The following KIZ variants were observed in gnomAD, a reference collection of about 807,000 sequenced individuals.
KIZ encodes the protein kizuna centrosomal protein.
Under a neutral mutation model 79.6 loss-of-function variants are expected in KIZ, and 68 were observed. That is an observed-to-expected ratio of 0.85 (90% confidence interval 0.70 to 1.05). The LOEUF is 1.05. Ranked by LOEUF, KIZ falls within the 50% of genes least tolerant of loss-of-function variation. The pLI is 0.00. For synonymous variants in KIZ, 280 were observed against 281.8 expected (o/e 0.99, Z 0.06); for missense variants, 797 against 800.4 (o/e 1.00, Z 0.05).
chr20:21,165,144 C>G (rs1204212754), intron 6 of KIZ, among the ~76,000 whole-genome samples: 1 of 152,118 alleles, frequency 6.6e-6, no homozygotes, highest in Non-Finnish European at 1.5e-5. Flanking sequence ...ACTTTAGGGT[C>G]TGTTGGGGGC....
chr20:21,146,750 T>A (rs2032868191), intron 4 of KIZ, among the ~76,000 whole-genome samples: 1 of 152,156 alleles, frequency 6.6e-6, no homozygotes, highest in African/African-American at 2.4e-5. Context: ...AGGTTTTAGT[T>A]TTTCTTTCTT....
intron 6 of KIZ, among the ~76,000 whole-genome samples, chr20:21,192,876 G>T (rs2035176332): frequency 6.6e-6 from 1 of 152,234 alleles, no homozygotes; most frequent in Admixed American, 6.5e-5. Context: ...GTAGACAGTG[G>T]TTTGTGAGGA....
At chr20:21,240,603 C>T (rs895882500) in intron 11 of KIZ, among the ~76,000 whole-genome samples, 1 of 152,184 alleles carries the variant, frequency 6.6e-6, no homozygotes, top group African/African-American at 2.4e-5. Flanking sequence ...AGCCATGGTG[C>T]GGGGGAAAGG....
chr20:21,236,009 C>T (rs915217371), intron 11 of KIZ, among the ~76,000 whole-genome samples: 2 of 152,240 alleles, frequency 1.3e-5, no homozygotes, highest in Non-Finnish European at 2.9e-5. Flanking sequence ...TATAAAAGCA[C>T]TCTTCTCTGT....
chr20:21,138,006 A>G (rs1243049434), intron 3 of KIZ, among the ~76,000 whole-genome samples: 1 of 152,156 alleles, frequency 6.6e-6, no homozygotes, highest in Non-Finnish European at 1.5e-5. Context: ...TCCCAGTCTC[A>G]AGAAATTATC....
chr20:21,159,230 G>C (rs1216277669), intron 4 of KIZ, among the ~76,000 whole-genome samples: 2 of 151,704 alleles, frequency 1.3e-5, no homozygotes. Context: ...TGTTGCCAAG[G>C]CTGGTCTCAA....
chr20:21,132,047 A>T, intron 1 of KIZ, 50 bp from the exon 2 acceptor site: 1 of 795,104 alleles, frequency 1.3e-6, no homozygotes, highest in Non-Finnish European at 2.1e-6. Context: ...TCTAAATCCA[A>T]CTCCCTGTTA....
At chr20:21,167,516 C>A (rs1399187491) in intron 6 of KIZ, among the ~76,000 whole-genome samples, 4 of 151,236 alleles carry the variant, frequency 2.6e-5, no homozygotes, top group Non-Finnish European at 5.9e-5. Flanking sequence ...CTACATTAAC[C>A]AACAAGCAGT....
chr20:21,238,331 G>T (rs1326630798), intron 11 of KIZ, among the ~76,000 whole-genome samples: 1 of 71,024 alleles, frequency 1.4e-5, no homozygotes, highest in Admixed American at 1.4e-4. Context: ...CTGCATAAGG[G>T]TGTGAGAGAG....
Position 21,244,354 on chromosome 20 carries a change from A to G in KIZ, c.1924+66A>G, listed in dbSNP as rs558328609. On this transcript the variant is annotated intron_variant, in intron 12 of 12. Coordinates refer to ENST00000619189, the MANE Select transcript of KIZ (RefSeq NM_018474.6). ...TTAACCAAAAAACTCTGTGACATGC[A>G]TTTGTTGTTTGCACCCTCATGTGAG... 826 of 1,174,784 alleles carry G rather than the reference A, an allele frequency of 7.0e-4. 10 individuals carry two copies. In the South Asian group the frequency reaches 9.9e-3, roughly 14 times the overall value. The allele number at this position is 1,174,784 out of a possible 1,614,324, so 72.8% of individuals were successfully genotyped here. A position where few individuals can be genotyped will look rare whatever the true frequency, so the allele number is the denominator to read the frequency against.
intron 9 of KIZ, among the ~76,000 whole-genome samples, chr20:21,219,581 G>A (rs1183218220): frequency 2.0e-5 from 3 of 152,178 alleles, no homozygotes; most frequent in East Asian, 3.8e-4. Flanking sequence ...GCCTCCCAGA[G>A]TTCTGGGATT....
At chr20:21,152,983 T>G (rs1401360743) in intron 4 of KIZ, among the ~76,000 whole-genome samples, 2 of 152,210 alleles carry the variant, frequency 1.3e-5, no homozygotes, top group African/African-American at 4.8e-5. Context: ...GGTTCAGTAA[T>G]GCAATTTGAG....
chr20:21,219,785 G>T (rs2036440797), intron 9 of KIZ, among the ~76,000 whole-genome samples: 2 of 152,112 alleles, frequency 1.3e-5, no homozygotes. Context: ...ACCACAAAAC[G>T]GAGGTCTTCT....
In KIZ at chr20:21,136,374, G is replaced by T. The variant is rs1396622640; in HGVS notation, c.153-16G>T. On this transcript the variant is annotated splice_polypyrimidine_tract_variant and intron_variant, in intron 2 of 12. Transcript: ENST00000619189. ...AAGTCTAGTCCATTGTTTTAAAACT[G>T]CTTTTAATTTTCTAGAGTTAAGCTG... is the stretch of plus-strand genomic sequence containing the variant. 8 of 1,416,736 alleles carry T rather than the reference G, an allele frequency of 5.6e-6. No individual in the cohort carries two copies. The highest frequency in any genetic ancestry group is 7.7e-6 in the Non-Finnish European group (8 of 1,033,734). 87.8% of individuals were successfully genotyped at this position (1,416,736 alleles called of 1,614,324 possible). A position where few individuals can be genotyped will look rare whatever the true frequency, so the allele number is the denominator to read the frequency against.
At chr20:21,195,261 C>T (rs566509877) in intron 6 of KIZ, 1 of 152,396 alleles carries the variant, frequency 6.6e-6, no homozygotes, top group African/African-American at 2.4e-5. Flanking sequence ...TCAAGCATTA[C>T]TGAGCACTGG....
chr20:21,130,188 G>A (rs916638152), intron 1 of KIZ, among the ~76,000 whole-genome samples: 1 of 152,134 alleles, frequency 6.6e-6, no homozygotes. Flanking sequence ...CCTACATCTG[G>A]AACGATTCCT....
At chr20:21,151,209 G>A (rs2122563997) in intron 4 of KIZ, 1 of 152,300 alleles carries the variant, frequency 6.6e-6, no homozygotes, top group South Asian at 2.1e-4. Context: ...AAATACATCA[G>A]TCTGCTTTTC....
In KIZ at chr20:21,145,675, C is replaced by G. The variant is rs1455861859; in HGVS notation, c.405+21C>G. On this transcript the variant is annotated intron_variant, in intron 4 of 12. Coordinates refer to ENST00000619189, the MANE Select transcript of KIZ (RefSeq NM_018474.6). ...AAAAGGTAATAAACTAAATTGGTAACCTTTCTGTTAACAGAGGAATTCTGG... is the reference window on the plus strand; with the variant it reads ...AAAAGGTAATAAACTAAATTGGTAAGCTTTCTGTTAACAGAGGAATTCTGG... 10 of 1,104,436 alleles carry G rather than the reference C, an allele frequency of 9.1e-6. No individual in the cohort carries two copies. In the South Asian group the frequency reaches 1.4e-4, roughly 16 times the overall value. The allele number at this position is 1,104,436 out of a possible 1,614,324, so 68.4% of individuals were successfully genotyped here.
At chr20:21,203,142 T>A (rs543898373) in intron 6 of KIZ, among the ~76,000 whole-genome samples, 1 of 152,344 alleles carries the variant, frequency 6.6e-6, no homozygotes, top group East Asian at 1.9e-4. Flanking sequence ...TGAATCAGAG[T>A]TCAAATAAGG....
Sources: allele counts gnomAD v4.1 joint callset (sites outside exome capture counted in the v4.1 genomes callset), GRCh38; gene constraint gnomAD v4.1.1; transcripts MANE v1.5; gene names NCBI Gene and HGNC (gene_info 2026-07-23, HGNC 2026-07-21).